Variants in FNDC3B observed in about 807,000 individuals in gnomAD.
FNDC3B encodes the protein fibronectin type III domain containing 3B, also known as fibronectin type III domain-containing protein 3B.
A neutral mutation model predicts 151.5 loss-of-function variants in FNDC3B; 12 were observed. The observed-to-expected ratio is 0.08, with a 90% CI of 0.05 to 0.13. FNDC3B has a LOEUF of 0.13. Among genes scored for constraint, FNDC3B ranks in the 10% least tolerant of loss-of-function variants. The pLI is 1.00. For missense variants in FNDC3B, 1,214 were observed against 1,505.3 expected (o/e 0.81, Z 3.20); for synonymous variants, 528 against 549.0 (o/e 0.96, Z 0.54).
At chr3:172,169,673 T>C (rs1723192000) in intron 3 of FNDC3B, among the ~76,000 whole-genome samples, 1 of 152,182 alleles carries the variant, frequency 6.6e-6, no homozygotes, top group Admixed American at 6.5e-5. Context: ...TGGGCTGCAT[T>C]GAGCTGGTCT....
intron 7 of FNDC3B, among the ~76,000 whole-genome samples, chr3:172,290,870 T>C (rs1017033572): frequency 2.0e-5 from 3 of 152,210 alleles, no homozygotes; most frequent in African/African-American, 7.2e-5. Flanking sequence ...CCTTTAGAAG[T>C]GAAGCCAGTA....
intron 1 of FNDC3B, among the ~76,000 whole-genome samples, chr3:172,100,629 G>A (rs983256582): frequency 6.6e-6 from 1 of 152,024 alleles, no homozygotes; most frequent in Non-Finnish European, 1.5e-5. Flanking sequence ...GTATGTCTTT[G>A]CACCTGCTAA....
chr3:172,096,254 C>T (rs1277547511), intron 1 of FNDC3B, among the ~76,000 whole-genome samples: 2 of 152,154 alleles, frequency 1.3e-5, no homozygotes, highest in Non-Finnish European at 2.9e-5. Flanking sequence ...CTGTAGCTCT[C>T]AGAAGATAGA....
At chr3:172,201,927 C>T (rs539644150) in intron 3 of FNDC3B, among the ~76,000 whole-genome samples, 1 of 152,330 alleles carries the variant, frequency 6.6e-6, no homozygotes, top group South Asian at 2.1e-4. Context: ...TCTGGGTGTG[C>T]TCTTTTATCT....
chr3:172,322,411 C>G lies in FNDC3B; in HGVS notation c.1255-6541C>G, dbSNP rs73880146. ...ACCCAGCCTTGGCTTCATTTCCACT[C>G]CAGCCTTTTGGTTACAAGAGAGTCA... On this transcript the variant is annotated intron_variant, in intron 11 of 25. Transcript: ENST00000415807. Among the ~76,000 whole-genome samples, 1,307 of 152,258 alleles carry G rather than the reference C, an allele frequency of 8.6e-3. 21 individuals are homozygous for G. Among genetic ancestry groups the G allele is most frequent in the African/African-American group, 0.029 (1,222 of 41,542 alleles).
chr3:172,374,409 A>G (rs1012838763), intron 23 of FNDC3B, among the ~76,000 whole-genome samples: 3 of 152,102 alleles, frequency 2.0e-5, no homozygotes, highest in Non-Finnish European at 4.4e-5. Flanking sequence ...TATTTTATTT[A>G]TTATTTTGAG....
intron 6 of FNDC3B, among the ~76,000 whole-genome samples, chr3:172,276,791 A>C (rs902286213): frequency 6.6e-6 from 1 of 152,206 alleles, no homozygotes; most frequent in Non-Finnish European, 1.5e-5. Flanking sequence ...ATATTCTATA[A>C]GAAAACTGGC....
chr3:172,169,334 T>C (rs1723175996), intron 3 of FNDC3B, among the ~76,000 whole-genome samples: 1 of 152,230 alleles, frequency 6.6e-6, no homozygotes, highest in African/African-American at 2.4e-5. Context: ...TGCAGAATGA[T>C]CTTTGCTGAG....
In FNDC3B at chr3:172,189,828, A is replaced by ATC. The variant is rs1260272121; in HGVS notation, c.188-37043_188-37042insTC. Among the ~76,000 whole-genome samples the ATC allele has an allele frequency of 1.4e-4, 18 of 127,304 alleles. No homozygotes were observed. In the South Asian group the frequency reaches 4.0e-3, roughly 29 times the overall value. The allele number at this position is 127,304 out of a possible 152,430, so 83.5% of individuals were successfully genotyped here. On this transcript the variant is annotated intron_variant, in intron 3 of 25. Coordinates refer to ENST00000415807, the MANE Select transcript of FNDC3B (RefSeq NM_022763.4). The stretch of plus-strand genomic sequence containing the variant: ...AAAAAAAAAAAAAAAAAAAAAAAAA[A>ATC]AAAATCATGTCATTCAGTCATGTTT...
At chr3:172,047,476 A>C (rs1716421252) in intron 1 of FNDC3B, among the ~76,000 whole-genome samples, 1 of 152,194 alleles carries the variant, frequency 6.6e-6, no homozygotes, top group Non-Finnish European at 1.5e-5. Context: ...TATTTACCTA[A>C]TTAAAAGAAC....
At chr3:172,141,544 C>G (rs1721630796) in intron 3 of FNDC3B, among the ~76,000 whole-genome samples, 1 of 152,196 alleles carries the variant, frequency 6.6e-6, no homozygotes. Context: ...TCATTGAATT[C>G]CATACTTCTG....
intron 6 of FNDC3B, among the ~76,000 whole-genome samples, chr3:172,262,467 T>C (rs535476389): frequency 9.2e-5 from 14 of 152,362 alleles, no homozygotes; most frequent in Non-Finnish European, 1.6e-4. Context: ...AGTGAAGTCT[T>C]AAGTAGAACT....
intron 4 of FNDC3B, among the ~76,000 whole-genome samples, chr3:172,232,050 T>C (rs945351771): frequency 2.0e-5 from 3 of 151,972 alleles, no homozygotes; most frequent in Non-Finnish European, 4.4e-5. Context: ...CTGGCTAATT[T>C]TTATATTTTT....
At chr3:172,127,195 G>A (rs1449051632) in intron 2 of FNDC3B, 1 of 416,032 alleles carries the variant, frequency 2.4e-6, no homozygotes, top group African/African-American at 2.1e-5. Flanking sequence ...GAAGTTGGGG[G>A]TAGAAGGCTC....
chr3:172,201,404 G>A (rs1403538387), intron 3 of FNDC3B, among the ~76,000 whole-genome samples: 1 of 152,132 alleles, frequency 6.6e-6, no homozygotes, highest in Non-Finnish European at 1.5e-5. Flanking sequence ...GGACATATTA[G>A]GGACATGGGA....
chr3:172,179,653 G>A (rs538311841), intron 3 of FNDC3B, among the ~76,000 whole-genome samples: 1 of 151,662 alleles, frequency 6.6e-6, no homozygotes, highest in Non-Finnish European at 1.5e-5. Context: ...AAGTTAAGGT[G>A]GGAGGACCAC....
chr3:172,363,404 T>C (rs1362370844), intron 23 of FNDC3B, among the ~76,000 whole-genome samples: 1 of 152,210 alleles, frequency 6.6e-6, no homozygotes, highest in East Asian at 1.9e-4. Context: ...AATGTAGCCT[T>C]TCACGTAGTA....
In FNDC3B at chr3:172,080,462, G is replaced by A. The variant is rs530799695; in HGVS notation, c.-28-31990G>A. The stretch of plus-strand genomic sequence containing the variant: ...ATTTAAATTTTTTTTTTTTTCTAGA[G>A]ATGAAGGGTCTTGCTATATTTCCCA... On this transcript the variant is annotated intron_variant, in intron 1 of 25. Coordinates refer to ENST00000415807, the MANE Select transcript of FNDC3B (RefSeq NM_022763.4). Among the ~76,000 whole-genome samples, 8 of 150,816 alleles carry A rather than the reference G, an allele frequency of 5.3e-5. No individual in the cohort carries two copies. The South Asian group carries it at 1.5e-3, about 28-fold the overall frequency.
chr3:172,043,839 G>C (rs1229003293), intron 1 of FNDC3B, among the ~76,000 whole-genome samples: 1 of 152,146 alleles, frequency 6.6e-6, no homozygotes, highest in East Asian at 1.9e-4. Flanking sequence ...TGCTGAAAAA[G>C]TAGTCAGAAC....
Sources: gnomAD v4.1 joint callset for allele counts (sites outside exome capture counted in the v4.1 genomes callset) on GRCh38, gnomAD v4.1.1 for gene constraint, MANE v1.5 for transcripts, NCBI Gene and HGNC (gene_info 2026-07-23, HGNC 2026-07-21) for gene names.